The following RNF115 variants were observed in gnomAD, a reference collection of about 807,000 sequenced individuals.
RNF115 encodes ring finger protein 115.
Under a neutral mutation model 39.2 loss-of-function variants are expected in RNF115, and 31 were observed. The observed-to-expected ratio is 0.79, with a 90% confidence interval of 0.59 to 1.07. The LOEUF (loss-of-function observed/expected upper bound fraction) is 1.07, where lower values mean the gene tolerates loss of function less well. Ranked by LOEUF, RNF115 falls within the 50% of genes least tolerant of loss-of-function variation. The pLI, the probability that RNF115 is intolerant of heterozygous loss-of-function variation, is 0.00. For synonymous variants in RNF115, 124 were observed against 131.0 expected, an observed-to-expected ratio of 0.95 and a Z score of 0.37; for missense variants, 384 against 381.7, an observed-to-expected ratio of 1.01 and a Z score of -0.05.
intron 1 of RNF115, among the ~76,000 whole-genome samples, chr1:145,803,546 G>T (rs1649341143): frequency 6.6e-6 from 1 of 152,112 alleles, no homozygotes; most frequent in African/African-American, 2.4e-5. Context: ...CCGCCATTAT[G>T]CCCAGCTAAT....
intron 3 of RNF115, among the ~76,000 whole-genome samples, chr1:145,776,607 G>C (rs1432964457): frequency 6.6e-6 from 1 of 152,108 alleles, no homozygotes; most frequent in Non-Finnish European, 1.5e-5. Flanking sequence ...GGGAGGCTGA[G>C]GCGGGTGGAT....
chr1:145,759,425 T>G (rs1476042127), intron 4 of RNF115, among the ~76,000 whole-genome samples: 4 of 152,146 alleles, frequency 2.6e-5, no homozygotes, highest in African/African-American at 9.7e-5. Flanking sequence ...GGATGGTGGC[T>G]CCATTCTTCT....
rs1229858583 is a variant in RNF115 at position 145,742,331 on chromosome 1, TAAAA to T, written c.*4531_*4534del. The T allele has an allele frequency of 1.3e-5, 2 of 152,024 alleles. No individual in the cohort carries two copies. The highest frequency in any genetic ancestry group is 1.3e-4 in the Admixed American group (2 of 15,258). 9.4% of individuals were successfully genotyped at this position (152,024 alleles called of 1,614,324 possible). On this transcript the variant is annotated 3_prime_UTR_variant, in exon 9 of 9. Coordinates refer to ENST00000582693, the MANE Select transcript of RNF115 (RefSeq NM_014455.4). ...GGTGTCAATAATTTGTCAGAAAAAT[TAAAA>T]AAAATCAATAGATAACCGTATTGTA...
At chr1:145,769,939 T>G (rs1319641256) in intron 4 of RNF115, among the ~76,000 whole-genome samples, 1 of 152,040 alleles carries the variant, frequency 6.6e-6, no homozygotes, top group Non-Finnish European at 1.5e-5. Flanking sequence ...CCCACCGAGT[T>G]TGAGGTTGTA....
intron 8 of RNF115, among the ~76,000 whole-genome samples, chr1:145,747,535 C>A (rs1243373531): frequency 1.3e-5 from 2 of 152,118 alleles, no homozygotes; most frequent in Non-Finnish European, 2.9e-5. Flanking sequence ...CCTAGCTACT[C>A]TGGAGACTGA....
At chr1:145,752,075 A>C (rs1658108580) in intron 5 of RNF115, among the ~76,000 whole-genome samples, 1 of 152,104 alleles carries the variant, frequency 6.6e-6, no homozygotes, top group Non-Finnish European at 1.5e-5. Context: ...AGAGGTCCAG[A>C]CTACTGGATG....
chr1:145,809,065 T>C (rs1649582321), intron 1 of RNF115, among the ~76,000 whole-genome samples: 1 of 152,114 alleles, frequency 6.6e-6, no homozygotes, highest in Non-Finnish European at 1.5e-5. Flanking sequence ...AATAAAGCCG[T>C]ATTCCACAAG....
At chr1:145,760,752 T>G (rs898413066) in intron 4 of RNF115, among the ~76,000 whole-genome samples, 1 of 151,856 alleles carries the variant, frequency 6.6e-6, no homozygotes, top group Non-Finnish European at 1.5e-5. Context: ...GTGCCAGGAG[T>G]GGGGCATTGC....
rs782551562 is a variant in RNF115, at chr1:145,788,964, T to G, written c.105A>C (p.Glu35Asp). 3.2e-6 allele frequency: 5 copies of G among 1,584,038 alleles called. No homozygotes were observed. The highest frequency in any genetic ancestry group is 4.5e-5 in the East Asian group (2 of 44,724). The change falls in exon 2 of 9, where the codon GAA (glutamate) becomes GAC (aspartate). Residue 35 changes from glutamate (E) to aspartate (D), a missense_variant and splice_region_variant. Glu to Asp is a conservative substitution (Grantham distance 45). Coordinates refer to ENST00000582693, the MANE Select transcript of RNF115 (RefSeq NM_014455.4). ...CKGEVSPKLP[E>D]YICPRCESGF... Reference sequence around the variant, plus strand: ...CTGATTCACATCTGGGACATATATATTCCTATAAAAGAAAGGAAGAAACAA... The same window carrying G: ...CTGATTCACATCTGGGACATATATAGTCCTATAAAAGAAAGGAAGAAACAA...
intron 4 of RNF115, among the ~76,000 whole-genome samples, chr1:145,759,309 A>T (rs1307016666): frequency 3.3e-5 from 5 of 152,130 alleles, no homozygotes; most frequent in Non-Finnish European, 7.3e-5. Context: ...CCTATTCAAC[A>T]TTTCCACTTG....
intron 1 of RNF115, among the ~76,000 whole-genome samples, chr1:145,813,585 T>A (rs1553723006): frequency 1.3e-5 from 2 of 152,178 alleles, no homozygotes; most frequent in African/African-American, 2.4e-5. Flanking sequence ...TCTCAGTAAC[T>A]CCAAAGACAG....
Position 145,746,983 on chromosome 1 carries a change from A to T in RNF115, c.798T>A (p.Pro266=). The T allele has an allele frequency of 6.2e-7, 1 of 1,612,838 alleles. No individual in the cohort carries two copies. ...VPWLELHDTC[P]VCRKSLNGED... is the part of the protein sequence containing the mutation. ...CACCATTTAAGCTCTTCCTACATACAGGACATGTGTCATGCTGAAACAGAA... is the reference window on the plus strand; with the variant it reads ...CACCATTTAAGCTCTTCCTACATACTGGACATGTGTCATGCTGAAACAGAA... The change falls in exon 9 of 9, where the codon CCT becomes CCA. Residue 266 remains proline, a synonymous_variant. Transcript: ENST00000582693.
chr1:145,783,725 T>A (rs1648249407), intron 3 of RNF115, among the ~76,000 whole-genome samples: 1 of 152,224 alleles, frequency 6.6e-6, no homozygotes, highest in Non-Finnish European at 1.5e-5. Context: ...GTGTTTTTTA[T>A]AGGCTGACTG....
intron 4 of RNF115, among the ~76,000 whole-genome samples, chr1:145,768,994 T>C (rs1036280459): frequency 4.6e-5 from 7 of 152,212 alleles, no homozygotes; most frequent in African/African-American, 1.4e-4. Flanking sequence ...ACTGATATAC[T>C]GGTGCCTTGG....
chr1:145,813,640 A>T (rs1469708457), intron 1 of RNF115, among the ~76,000 whole-genome samples: 2 of 152,210 alleles, frequency 1.3e-5, no homozygotes, highest in Non-Finnish European at 2.9e-5. Context: ...TGCAGCCACT[A>T]ACTGAGCCCT....
chr1:145,758,076 TA>T (rs1327991822), intron 4 of RNF115, among the ~76,000 whole-genome samples: 1 of 152,220 alleles, frequency 6.6e-6, no homozygotes, highest in Non-Finnish European at 1.5e-5. Flanking sequence ...ATAAATTCTC[TA>T]GAGGTGGAGC....
chr1:145,762,943 G>T (rs947429123), intron 4 of RNF115, among the ~76,000 whole-genome samples: 2 of 152,088 alleles, frequency 1.3e-5, no homozygotes, highest in Admixed American at 6.6e-5. Context: ...TTATACATGG[G>T]AACTAAACAT....
Position 145,804,499 on chromosome 1 carries a change from G to GCA in RNF115, c.103-15535_103-15534dup, listed in dbSNP as rs35848173. On this transcript the variant is annotated intron_variant, in intron 1 of 8. Coordinates refer to ENST00000582693, the MANE Select transcript of RNF115 (RefSeq NM_014455.4). The stretch of plus-strand genomic sequence containing the variant: ...GTCCACCTTAAATGCATGCATGCAT[G>GCA]CACACACACACACACACACACACAC... Among the ~76,000 whole-genome samples the GCA allele has an allele frequency of 7.6e-3, 1,127 of 148,512 alleles. 7 individuals are homozygous for GCA. Among genetic ancestry groups the GCA allele is most frequent in the Middle Eastern group, 0.038 (11 of 290 alleles).
At chr1:145,809,488 ATTTTTTTTTTT>A (rs781918386) in intron 1 of RNF115, among the ~76,000 whole-genome samples, 11 of 46,344 alleles carry the variant, frequency 2.4e-4, no homozygotes, top group Non-Finnish European at 3.2e-4. Flanking sequence ...GACCCAGCTA[ATTTTTTTTTTT>A]TTTTTTTTTT....
Sources: gnomAD v4.1 joint callset for allele counts (sites outside exome capture counted in the v4.1 genomes callset) on GRCh38, gnomAD v4.1.1 for gene constraint, MANE v1.5 for transcripts, NCBI Gene and HGNC (gene_info 2026-07-23, HGNC 2026-07-21) for gene names.